Variants in DENND5B observed in about 807,000 individuals in gnomAD.
DENND5B encodes the protein DENN domain-containing protein 5B.
DENND5B carries 34 observed loss-of-function variants against 140.6 expected under a neutral mutation model. The ratio of observed to expected loss-of-function variants is 0.24; its 90% CI spans 0.18 to 0.32. The LOEUF (loss-of-function observed/expected upper bound fraction) is 0.32. DENND5B is among the 10% of genes least tolerant of loss of function. The pLI is 1.00. For synonymous variants in DENND5B, 551 were observed against 562.1 expected, an observed-to-expected ratio of 0.98 and a Z score of 0.28; for missense variants, 1,142 against 1,560.2, an observed-to-expected ratio of 0.73 and a Z score of 4.52.
In DENND5B at chr12:31,407,139, T is replaced by C. The variant is rs922200809; in HGVS notation, c.2803+2124A>G. ...AAATTAATTAATTAATTTATTTATT[T>C]ATTTATTTTGAGACGGAGTCTCGCT... On this transcript the variant is annotated intron_variant, in intron 14 of 20. Coordinates refer to ENST00000389082, the MANE Select transcript of DENND5B (RefSeq NM_144973.4). Among the ~76,000 whole-genome samples the C allele has an allele frequency of 6.6e-5, 10 of 150,586 alleles. No homozygotes were observed. The Middle Eastern group carries it at 0.014, about 206-fold the overall frequency.
At chr12:31,392,796 C>A (rs1285596327) in intron 17 of DENND5B, 100 bp from the exon 18 acceptor site, 2 of 1,193,086 alleles carry the variant, frequency 1.7e-6, no homozygotes, top group Middle Eastern at 2.0e-4. Flanking sequence ...AATACGTCAT[C>A]AGAGCAGGCT....
At chr12:31,468,766 C>T (rs764806274) in intron 3 of DENND5B, among the ~76,000 whole-genome samples, 35 of 152,004 alleles carry the variant, frequency 2.3e-4, no homozygotes, top group Non-Finnish European at 4.0e-4. Context: ...GAGCCTAGAT[C>T]GTGCTACTGC....
chr12:31,550,423 C>T (rs1372768059), intron 1 of DENND5B, among the ~76,000 whole-genome samples: 6 of 151,954 alleles, frequency 3.9e-5, no homozygotes, highest in Non-Finnish European at 1.5e-5. Context: ...CATAGTATTC[C>T]ATGGTGTATA....
At chr12:31,586,514 T>C (rs986651984) in intron 1 of DENND5B, among the ~76,000 whole-genome samples, 1 of 152,200 alleles carries the variant, frequency 6.6e-6, no homozygotes, top group Non-Finnish European at 1.5e-5. Context: ...TTTATGTATA[T>C]AGTTAAATTA....
chr12:31,474,595 C>T (rs1264412399), intron 3 of DENND5B, among the ~76,000 whole-genome samples: 1 of 152,212 alleles, frequency 6.6e-6, no homozygotes, highest in African/African-American at 2.4e-5. Flanking sequence ...ATTTTCATCA[C>T]TGAAATCCAC....
intron 4 of DENND5B, among the ~76,000 whole-genome samples, chr12:31,458,900 C>T (rs149076188): frequency 2.0e-5 from 3 of 152,262 alleles, no homozygotes; most frequent in Middle Eastern, 3.4e-3. Context: ...ACATGGTAAT[C>T]CTCAGTACCA....
chr12:31,463,290 C>CCAA lies in DENND5B; in HGVS notation c.905-2912_905-2910dup, dbSNP rs72514170. Among the ~76,000 whole-genome samples, 75 of 151,414 alleles carry CCAA rather than the reference C, an allele frequency of 5.0e-4. 1 individual carries two copies. Among genetic ancestry groups the CCAA allele is most frequent in the Non-Finnish European group, 9.7e-4 (66 of 67,818 alleles). On this transcript the variant is annotated intron_variant, in intron 3 of 20. Coordinates refer to ENST00000389082, the MANE Select transcript of DENND5B (RefSeq NM_144973.4). ...AACAAAAAACAAACAAACAAAAAAC[C>CCAA]CAACAACAACAACAAAAACTCACCA...
intron 1 of DENND5B, among the ~76,000 whole-genome samples, chr12:31,509,259 CCT>C (rs1947319427): frequency 2.0e-5 from 3 of 152,156 alleles, no homozygotes; most frequent in Non-Finnish European, 2.9e-5. Context: ...CAAAGCTTTT[CCT>C]CTGTCGACAG....
intron 1 of DENND5B, among the ~76,000 whole-genome samples, chr12:31,537,092 C>T (rs910771742): frequency 1.3e-5 from 2 of 151,584 alleles, no homozygotes; most frequent in Non-Finnish European, 2.9e-5. Flanking sequence ...GTACTTCAAT[C>T]AGAAAGAAAA....
chr12:31,565,364 G>A (rs892087676), intron 1 of DENND5B, among the ~76,000 whole-genome samples: 6 of 152,108 alleles, frequency 3.9e-5, no homozygotes, highest in African/African-American at 9.7e-5. Context: ...ACAAAAAAAC[G>A]AAAGAAAAGA....
chr12:31,557,959 G>A (rs989066033), intron 1 of DENND5B, among the ~76,000 whole-genome samples: 6 of 152,066 alleles, frequency 3.9e-5, no homozygotes, highest in Admixed American at 2.0e-4. Context: ...AGGCTGAGGC[G>A]AGAGGACTGG....
chr12:31,457,620 TA>T (rs1353568406), intron 4 of DENND5B, among the ~76,000 whole-genome samples: 3 of 152,236 alleles, frequency 2.0e-5, no homozygotes, highest in African/African-American at 7.2e-5. Context: ...CACCTCATTG[TA>T]AAATGATACC....
chr12:31,409,213 A>T (rs766541483), intron 14 of DENND5B, 50 bp downstream of exon 14: 10 of 1,491,016 alleles, frequency 6.7e-6, no homozygotes, highest in Non-Finnish European at 8.9e-6. Flanking sequence ...AAATGCTTTT[A>T]TTGCATTGGT....
chr12:31,442,830 C>T lies in DENND5B; in HGVS notation c.1957G>A (p.Gly653Arg). The change falls in exon 7 of 21, where the codon GGG (glycine) becomes AGG (arginine). Residue 653 changes from glycine (G) to arginine (R), a missense_variant. This residue lies in a region of DENND5B where 708 missense variants were observed against 905.5 expected (regional missense o/e 0.78). Coordinates refer to ENST00000389082, the MANE Select transcript of DENND5B (RefSeq NM_144973.4). ...MKIGQGKYEQGFFPKLQSDVL... is the reference protein window; with the variant it reads ...MKIGQGKYEQRFFPKLQSDVL... ...TCGGACTGTAACTTTGGAAAGAACC[C>T]CTGCTCATATTTGCCTTGACCAATT... 6.2e-7 allele frequency: 1 copy of T among 1,613,616 alleles called. No homozygotes were observed. The highest frequency in any genetic ancestry group is 8.5e-7 in the Non-Finnish European group (1 of 1,179,808).
At chr12:31,409,833 G>A (rs1048604353) in intron 13 of DENND5B, among the ~76,000 whole-genome samples, 1 of 150,702 alleles carries the variant, frequency 6.6e-6, no homozygotes, top group Non-Finnish European at 1.5e-5. Context: ...ATGGGGTCTC[G>A]CTATATTGCC....
In DENND5B at chr12:31,392,681, T is replaced by C; in HGVS notation, c.3272A>G (p.Gln1091Arg). 6.4e-7 allele frequency: 1 copy of C among 1,556,118 alleles called. No homozygotes were observed. The highest frequency in any genetic ancestry group is 8.7e-7 in the Non-Finnish European group (1 of 1,148,838). ...TGKNNKPNAG[Q>R]IQEGIGEAVN... Reference sequence around the variant, plus strand: ...AGCTTCTCCAATTCCTTCTTGTATCTGCCCAGCATTGGGTTCTGTAAAATA... The same window carrying C: ...AGCTTCTCCAATTCCTTCTTGTATCCGCCCAGCATTGGGTTCTGTAAAATA... Residue 1091 changes from glutamine (Q) to arginine (R), a missense_variant, in exon 18 of 21, where the codon CAG (glutamine) becomes CGG (arginine). By Grantham distance (43) the Gln-to-Arg change is conservative. Coordinates refer to ENST00000389082, the MANE Select transcript of DENND5B (RefSeq NM_144973.4).
Position 31,389,425 on chromosome 12 carries a change from T to C in DENND5B, c.3540A>G (p.Ser1180=), listed in dbSNP as rs781728489. 2 of 1,610,490 alleles carry C rather than the reference T, an allele frequency of 1.2e-6. No individual in the cohort carries two copies. Among genetic ancestry groups the C allele is most frequent in the East Asian group, 2.2e-5 (1 of 44,870 alleles). Residue 1180 remains serine, a synonymous_variant, in exon 20 of 21, where the codon TCA becomes TCG. Transcript: ENST00000389082. ...CGTAGTGGCAGAAGGTTTTGCAGGA[T>C]GATTTCTGAATAAGGACATCATCTT... ...DNEDDVLIQK[S]SCKTFCHYVN...
intron 18 of DENND5B, 26 bp downstream of exon 18, chr12:31,392,588 T>C (rs1243621260): frequency 1.9e-6 from 3 of 1,547,892 alleles, no homozygotes; most frequent in Admixed American, 4.0e-5. Context: ...AGTCCCACTA[T>C]ACTAAGTTTT....
intron 1 of DENND5B, among the ~76,000 whole-genome samples, chr12:31,497,625 T>C (rs1201024300): frequency 6.7e-6 from 1 of 150,232 alleles, no homozygotes; most frequent in Non-Finnish European, 1.5e-5. Flanking sequence ...ATTATTCACT[T>C]CTTCATTTAA....
Sources: gnomAD v4.1 joint callset for allele counts (sites outside exome capture counted in the v4.1 genomes callset) on GRCh38, gnomAD v4.1.1 for gene constraint, gnomAD v4.1.1 regional missense constraint, MANE v1.5 for transcripts, NCBI Gene and HGNC (gene_info 2026-07-23, HGNC 2026-07-21) for gene names.